Variants in SLIT3 observed in about 807,000 individuals in gnomAD.
SLIT3 encodes slit homolog 3 protein.
Under a neutral mutation model 184.0 loss-of-function variants are expected in SLIT3, and 68 were observed. The ratio of observed to expected loss-of-function variants is 0.37; its 90% CI spans 0.30 to 0.45. The LOEUF is 0.45. Ranked by LOEUF, SLIT3 falls within the 20% of genes least tolerant of loss-of-function variation. The pLI is 1.00. For synonymous variants in SLIT3, 831 were observed against 828.6 expected, an observed-to-expected ratio of 1.00 and a Z score of -0.05; for missense variants, 1,707 against 2,026.0, an observed-to-expected ratio of 0.84 and a Z score of 3.02.
chr5:168,817,600 C>A (rs1426246591), intron 7 of SLIT3, 137 bp from the exon 8 acceptor site: 4 of 749,130 alleles, frequency 5.3e-6, no homozygotes, highest in Non-Finnish European at 8.7e-6. Flanking sequence ...GGAAGCAATT[C>A]CCTCTGCACT....
Position 169,207,386 on chromosome 5 carries a change from C to T in SLIT3, c.342-13836G>A, listed in dbSNP as rs866920374. On this transcript the variant is annotated intron_variant, in intron 3 of 35. Coordinates refer to ENST00000519560, the MANE Select transcript of SLIT3 (RefSeq NM_003062.4). ...ACACATACATACACACACACACACACACACACACACACACACACACACACA... is the reference window on the plus strand; with the variant it reads ...ACACATACATACACACACACACACATACACACACACACACACACACACACA... 6.9e-4 allele frequency among the ~76,000 whole-genome samples: 103 copies of T among 149,858 alleles called. No individual in the cohort carries two copies. The East Asian group carries it at 0.014, about 21-fold the overall frequency.
intron 4 of SLIT3, among the ~76,000 whole-genome samples, chr5:169,176,446 A>T (rs1405050593): frequency 6.6e-6 from 1 of 152,152 alleles, no homozygotes; most frequent in African/African-American, 2.4e-5. Flanking sequence ...CAGATTGTGG[A>T]GAGAAGATGC....
chr5:168,947,507 G>GA (rs1047789554), intron 4 of SLIT3, among the ~76,000 whole-genome samples: 3 of 152,124 alleles, frequency 2.0e-5, no homozygotes, highest in East Asian at 3.9e-4. Context: ...GGCATAGGAA[G>GA]AAAAAAAACA....
intron 1 of SLIT3, among the ~76,000 whole-genome samples, chr5:169,282,744 G>A (rs1258072813): frequency 1.3e-5 from 2 of 152,206 alleles, no homozygotes; most frequent in Non-Finnish European, 2.9e-5. Context: ...GAAAGGACAG[G>A]AAAGGAGAAC....
chr5:168,950,023 C>T (rs1269050413), intron 4 of SLIT3, among the ~76,000 whole-genome samples: 6 of 152,184 alleles, frequency 3.9e-5, no homozygotes, highest in African/African-American at 1.4e-4. Flanking sequence ...AATATACATA[C>T]AGTCTGCTGT....
At chr5:169,251,578 T>A in intron 1 of SLIT3, 119 bp from the exon 2 acceptor site, 1 of 726,574 alleles carries the variant, frequency 1.4e-6, no homozygotes, top group Non-Finnish European at 2.6e-6. Flanking sequence ...TTCTGATGAT[T>A]AACGATATCC....
intron 1 of SLIT3, among the ~76,000 whole-genome samples, chr5:169,259,378 A>G (rs1766086015): frequency 2.0e-5 from 3 of 152,232 alleles, no homozygotes; most frequent in Admixed American, 2.0e-4. Context: ...CTTTCTAAAC[A>G]GCATTCAGAG....
At chr5:168,773,099 A>G (rs2288794) in intron 13 of SLIT3, among the ~76,000 whole-genome samples, 155 bp from the exon 14 acceptor site, 17,678 of 152,128 alleles carry the variant, frequency 0.12, 1,207 homozygotes, top group African/African-American at 0.18. Flanking sequence ...ACTTTCAGAC[A>G]GGGCTCAAAG....
chr5:169,229,664 C>T (rs1164628525), intron 3 of SLIT3, among the ~76,000 whole-genome samples: 1 of 146,478 alleles, frequency 6.8e-6, no homozygotes, highest in African/African-American at 2.6e-5. Context: ...CTCTCTCTCT[C>T]TCTCTCCTTA....
chr5:169,089,254 T>G (rs1203559063), intron 4 of SLIT3, among the ~76,000 whole-genome samples: 2 of 152,046 alleles, frequency 1.3e-5, no homozygotes, highest in East Asian at 3.9e-4. Flanking sequence ...TGTAAGGACC[T>G]CTTTGGGAGG....
chr5:169,254,186 G>C (rs1204591874), intron 1 of SLIT3, among the ~76,000 whole-genome samples: 1 of 152,214 alleles, frequency 6.6e-6, no homozygotes, highest in East Asian at 1.9e-4. Context: ...GCAGGCCATA[G>C]GATGATGAGA....
rs553373919 is a variant in SLIT3 at position 168,867,869 on chromosome 5, C to A, written c.485+15396G>T. ...CAGCTGCAGGAAAAACCAGAATCTT[C>A]CATTCACATCCTTGGCCTGCAGCAG... On this transcript the variant is annotated intron_variant, in intron 5 of 35. Coordinates refer to ENST00000519560, the MANE Select transcript of SLIT3 (RefSeq NM_003062.4). Among the ~76,000 whole-genome samples, 81 of 152,166 alleles carry A rather than the reference C, an allele frequency of 5.3e-4. 2 individuals are homozygous for A. The highest frequency in any genetic ancestry group is 5.3e-3 in the Admixed American group (81 of 15,280).
chr5:169,015,174 G>A (rs1448255499), intron 4 of SLIT3, among the ~76,000 whole-genome samples: 1 of 151,888 alleles, frequency 6.6e-6, no homozygotes, highest in Non-Finnish European at 1.5e-5. Flanking sequence ...TGTGTATTAG[G>A]AAAGGACAAA....
At chr5:168,951,410 G>A (rs1352618365) in intron 4 of SLIT3, among the ~76,000 whole-genome samples, 1 of 152,132 alleles carries the variant, frequency 6.6e-6, no homozygotes, top group Non-Finnish European at 1.5e-5. Flanking sequence ...TAGAAGATCA[G>A]GCAAGGACAG....
chr5:169,099,202 A>G (rs778945615), intron 4 of SLIT3, among the ~76,000 whole-genome samples: 2 of 152,060 alleles, frequency 1.3e-5, no homozygotes, highest in Non-Finnish European at 2.9e-5. Context: ...CTGCTCAGCA[A>G]GGAATATGCC....
intron 4 of SLIT3, among the ~76,000 whole-genome samples, chr5:169,028,842 C>T (rs1384780297): frequency 1.3e-5 from 2 of 152,132 alleles, no homozygotes; most frequent in Non-Finnish European, 2.9e-5. Flanking sequence ...GTGTTGATTC[C>T]ACTGCTTTCC....
intron 4 of SLIT3, among the ~76,000 whole-genome samples, chr5:168,950,250 A>G (rs192433455): frequency 6.6e-6 from 1 of 152,196 alleles, no homozygotes. Context: ...ACCTTCTATG[A>G]TCCAGGAAAC....
chr5:169,171,214 C>T (rs1249117947), intron 4 of SLIT3, among the ~76,000 whole-genome samples: 3 of 152,148 alleles, frequency 2.0e-5, no homozygotes, highest in African/African-American at 4.8e-5. Context: ...GTTTACTGAA[C>T]ACCAAGCATT....
At chr5:168,958,741 AG>A (rs1762913879) in intron 4 of SLIT3, among the ~76,000 whole-genome samples, 1 of 152,234 alleles carries the variant, frequency 6.6e-6, no homozygotes, top group South Asian at 2.1e-4. Context: ...GTCACCTGCA[AG>A]GGGCAATTCA....
Sources: gnomAD v4.1 joint callset for allele counts (sites outside exome capture counted in the v4.1 genomes callset) on GRCh38, gnomAD v4.1.1 for gene constraint, MANE v1.5 for transcripts, NCBI Gene and HGNC (gene_info 2026-07-23, HGNC 2026-07-21) for gene names.